Variants in GMPR observed in about 807,000 individuals in gnomAD.
GMPR encodes GMP reductase 1.
In GMPR, 31 loss-of-function variants were observed where a neutral mutation model predicts 38.4. The observed-to-expected ratio is 0.81, with a 90% confidence interval of 0.61 to 1.09. The LOEUF (loss-of-function observed/expected upper bound fraction) is 1.09. GMPR is among the 50% of genes least tolerant of loss of function. GMPR has a pLI of 0.00. For synonymous variants in GMPR, 162 were observed against 173.3 expected, an observed-to-expected ratio of 0.93 and a Z score of 0.51; for missense variants, 468 against 453.7, an observed-to-expected ratio of 1.03 and a Z score of -0.29.
intron 4 of GMPR, among the ~76,000 whole-genome samples, chr6:16,272,743 T>C (rs1166223767): frequency 3.3e-5 from 5 of 152,256 alleles, no homozygotes; most frequent in Non-Finnish European, 7.3e-5. Flanking sequence ...AATAACACTT[T>C]GTCAAAATTG....
intron 6 of GMPR, among the ~76,000 whole-genome samples, chr6:16,283,683 G>A (rs1399086909): frequency 6.6e-6 from 1 of 152,176 alleles, no homozygotes; most frequent in Non-Finnish European, 1.5e-5. Flanking sequence ...GGGTCCCAGT[G>A]GCACAGGGCT....
At chr6:16,240,413 A>G (rs1252647358) in intron 1 of GMPR, among the ~76,000 whole-genome samples, 1 of 152,220 alleles carries the variant, frequency 6.6e-6, no homozygotes, top group Non-Finnish European at 1.5e-5. Flanking sequence ...GCACACCTCT[A>G]GTCCCAGCTA....
chr6:16,295,369 G>T lies in GMPR; in HGVS notation c.*183G>T. ...CTCCCGCCTGCCTTCTCGGGGCCCA[G>T]ACGCAAGGCACCGATTGGGCCAACA... On this transcript the variant is annotated 3_prime_UTR_variant, in exon 9 of 9. Coordinates refer to ENST00000259727, the MANE Select transcript of GMPR (RefSeq NM_006877.4). 1 of 470,788 alleles carries T rather than the reference G, an allele frequency of 2.1e-6. No individual in the cohort carries two copies. The highest frequency in any genetic ancestry group is 5.3e-5 in the South Asian group (1 of 18,730). The allele number at this position is 470,788 out of a possible 1,614,324, so 29.2% of individuals were successfully genotyped here.
At chr6:16,275,819 A>G (rs770271173) in intron 5 of GMPR, among the ~76,000 whole-genome samples, 1 of 152,190 alleles carries the variant, frequency 6.6e-6, no homozygotes, top group East Asian at 1.9e-4. Flanking sequence ...GCACTTTGGG[A>G]GGCCAAGGTG....
rs560849422 is a variant in GMPR at position 16,251,896 on chromosome 6, C to T, written c.291+1529C>T. Among the ~76,000 whole-genome samples, 3 of 152,222 alleles carry T rather than the reference C, an allele frequency of 2.0e-5. No homozygotes were observed. In the East Asian group the frequency reaches 5.8e-4, roughly 29 times the overall value. On this transcript the variant is annotated intron_variant, in intron 3 of 8. Coordinates refer to ENST00000259727, the MANE Select transcript of GMPR (RefSeq NM_006877.4). ...AGAAAGCCTTGCTGCAACATGCCTG[C>T]ACTTGCTCCTGCCACATTCAGGTGG... is the stretch of plus-strand genomic sequence containing the variant.
At chr6:16,243,484 A>G (rs1273671242) in intron 1 of GMPR, among the ~76,000 whole-genome samples, 2 of 152,130 alleles carry the variant, frequency 1.3e-5, no homozygotes, top group Non-Finnish European at 2.9e-5. Context: ...TGGGGGCCAG[A>G]ACACAGTATT....
intron 4 of GMPR, among the ~76,000 whole-genome samples, chr6:16,271,727 G>A (rs1013236899): frequency 1.3e-5 from 2 of 151,976 alleles, no homozygotes; most frequent in South Asian, 2.1e-4. Flanking sequence ...ACACTTTCTA[G>A]TATAAAATCT....
intron 4 of GMPR, among the ~76,000 whole-genome samples, chr6:16,266,499 C>T (rs1000010469): frequency 1.3e-5 from 2 of 149,226 alleles, no homozygotes; most frequent in African/African-American, 4.9e-5. Context: ...GTCCGACGTG[C>T]CACCTTTAAG....
chr6:16,266,892 C>T (rs1389881027), intron 4 of GMPR, among the ~76,000 whole-genome samples: 2 of 151,888 alleles, frequency 1.3e-5, no homozygotes, highest in Non-Finnish European at 2.9e-5. Flanking sequence ...GAACGAACAA[C>T]TCCGGACGTG....
intron 4 of GMPR, among the ~76,000 whole-genome samples, chr6:16,260,072 C>A (rs1042695358): frequency 6.6e-6 from 1 of 152,076 alleles, no homozygotes; most frequent in African/African-American, 2.4e-5. Flanking sequence ...AGCGTCTATA[C>A]AGGAGCTCAA....
chr6:16,283,660 G>C (rs1406540966), intron 6 of GMPR, among the ~76,000 whole-genome samples: 1 of 152,164 alleles, frequency 6.6e-6, no homozygotes, highest in South Asian at 2.1e-4. Context: ...GAAGAGAAAG[G>C]CTGATTTTCT....
intron 4 of GMPR, chr6:16,262,317 C>T (rs1408726115): frequency 6.6e-6 from 1 of 151,980 alleles, no homozygotes; most frequent in African/African-American, 2.4e-5. Flanking sequence ...GCCAGAATTC[C>T]AGGGGCGCTG....
chr6:16,286,981 C>T (rs1222768568), intron 7 of GMPR, among the ~76,000 whole-genome samples: 1 of 152,148 alleles, frequency 6.6e-6, no homozygotes, highest in African/African-American at 2.4e-5. Flanking sequence ...AAACACAGGG[C>T]AGTGTTCTTA....
At chr6:16,259,155 G>T (rs1759033753) in intron 4 of GMPR, 2 of 152,170 alleles carry the variant, frequency 1.3e-5, no homozygotes, top group Non-Finnish European at 1.5e-5. Context: ...TAGGATTTGG[G>T]TAGGTAAAGG....
chr6:16,288,403 G>A (rs945066301), intron 7 of GMPR, among the ~76,000 whole-genome samples: 1 of 152,244 alleles, frequency 6.6e-6, no homozygotes, highest in Non-Finnish European at 1.5e-5. Context: ...ACCCGGGCCA[G>A]CAGCTGCGGA....
chr6:16,289,443 A>G (rs1311846585), intron 7 of GMPR: 3 of 152,314 alleles, frequency 2.0e-5, no homozygotes, highest in African/African-American at 4.8e-5. Flanking sequence ...TTCAGCGTCT[A>G]TCATGTGCTG....
chr6:16,272,598 G>T (rs1759405236), intron 4 of GMPR, among the ~76,000 whole-genome samples: 1 of 152,162 alleles, frequency 6.6e-6, no homozygotes, highest in Admixed American at 6.5e-5. Context: ...TGGTTATTCA[G>T]GAGGTTGAAC....
chr6:16,282,957 C>T (rs540640219), intron 6 of GMPR, among the ~76,000 whole-genome samples: 53 of 151,754 alleles, frequency 3.5e-4, no homozygotes, highest in African/African-American at 1.2e-3. Flanking sequence ...TATAGGCATA[C>T]GCCACCACAC....
chr6:16,254,519 A>G (rs1193040675), intron 3 of GMPR, 43 bp from the exon 4 acceptor site: 2 of 1,564,466 alleles, frequency 1.3e-6, no homozygotes, highest in South Asian at 1.1e-5. Context: ...TGATGTCTGA[A>G]TGCTACTGTT....
Sources: gnomAD v4.1 joint callset for allele counts (sites outside exome capture counted in the v4.1 genomes callset) on GRCh38, gnomAD v4.1.1 for gene constraint, MANE v1.5 for transcripts, NCBI Gene and HGNC (gene_info 2026-07-23, HGNC 2026-07-21) for gene names.